MAP3K13: variants seen among roughly 807,000 people sequenced by gnomAD.
The protein encoded by MAP3K13 is mitogen-activated protein kinase kinase kinase 13, also known as leucine zipper-bearing kinase.
A neutral mutation model predicts 104.0 loss-of-function variants in MAP3K13; 52 were observed. The ratio of observed to expected loss-of-function variants is 0.50; its 90% CI spans 0.40 to 0.63. MAP3K13 has a LOEUF of 0.63. Ranked by LOEUF, MAP3K13 falls within the 20% of genes least tolerant of loss-of-function variation. MAP3K13 has a pLI of 0.00. For synonymous variants in MAP3K13, 394 were observed against 442.2 expected (o/e 0.89, Z 1.37); for missense variants, 914 against 1,218.5 (o/e 0.75, Z 3.72).
At chr3:185,357,103 T>A (rs1367455000) in intron 2 of MAP3K13, among the ~76,000 whole-genome samples, 1 of 151,918 alleles carries the variant, frequency 6.6e-6, no homozygotes. Context: ...AAGAAGTTTT[T>A]TTTTTTTCTC....
rs76703928 is a variant in MAP3K13, at chr3:185,324,919, A to T, written c.-86+39276A>T. ...TTACAAGGTATTTTGTTCTCCTGAC[A>T]TATTTGAGGAACTACAAAAATATAA... On this transcript the variant is annotated intron_variant, in intron 2 of 14. Transcript: ENST00000424227. Among the ~76,000 whole-genome samples the T allele has an allele frequency of 4.5e-3, 680 of 152,310 alleles. 3 individuals are homozygous for T. The highest frequency in any genetic ancestry group is 0.015 in the African/African-American group (643 of 41,560).
rs1249140502 is a variant in MAP3K13, at chr3:185,485,906, G to C, written c.*3450G>C. The stretch of plus-strand genomic sequence containing the variant: ...AAGACTAAAGAACTTTAAGAAGGAG[G>C]CCTGGTCACTTAGAGGACCAACGAC... On this transcript the variant is annotated 3_prime_UTR_variant, in exon 14 of 14. Transcript: ENST00000265026. 6.6e-6 allele frequency: 1 copy of C among 152,050 alleles called. No homozygotes were observed. The highest frequency in any genetic ancestry group is 1.5e-5 in the Non-Finnish European group (1 of 68,012). 9.4% of individuals were successfully genotyped at this position (152,050 alleles called of 1,614,324 possible).
chr3:185,480,581 G>A (rs1224294570), intron 13 of MAP3K13, 52 bp downstream of exon 13: 4 of 1,571,712 alleles, frequency 2.5e-6, no homozygotes, highest in Non-Finnish European at 2.6e-6. Flanking sequence ...TTGCTCTTTG[G>A]GGTTCAAGTC....
chr3:185,463,554 A>C lies in MAP3K13; in HGVS notation c.1283A>C (p.Glu428Ala). The C allele has an allele frequency of 6.3e-7, 1 of 1,582,022 alleles. No homozygotes were observed. The highest frequency in any genetic ancestry group is 8.7e-7 in the Non-Finnish European group (1 of 1,151,448). ...PQETYFKSQAEWREEVKKHFE... is the reference protein window; with the variant it reads ...PQETYFKSQAAWREEVKKHFE... ...ATCTAATTTGTCCTTACCCAGGCTGAATGGAGAGAAGAAGTGAAAAAACAT... is the reference window on the plus strand; with the variant it reads ...ATCTAATTTGTCCTTACCCAGGCTGCATGGAGAGAAGAAGTGAAAAAACAT... Residue 428 changes from glutamate (E) to alanine (A), a missense_variant, in exon 8 of 14, where the codon GAA (glutamate) becomes GCA (alanine). Transcript: ENST00000265026.
Position 185,455,938 on chromosome 3 carries a change from GATATATATATGAT to G in MAP3K13, c.1278+4544_1278+4556del, listed in dbSNP as rs1716709156. 2.8e-5 allele frequency among the ~76,000 whole-genome samples: 4 copies of G among 140,680 alleles called. No individual in the cohort carries two copies. The South Asian group carries it at 8.8e-4, about 31-fold the overall frequency. 92.3% of individuals were successfully genotyped at this position (140,680 alleles called of 152,430 possible). A position where few individuals can be genotyped will look rare whatever the true frequency, so the allele number is the denominator to read the frequency against. On this transcript the variant is annotated intron_variant, in intron 7 of 13. Transcript: ENST00000265026. ...TGAGATATATATGATGTATATATGA[GATATATATATGAT>G]GTATATATATGATATGTATGAGATA... is the stretch of plus-strand genomic sequence containing the variant.
intron 1 of MAP3K13, among the ~76,000 whole-genome samples, chr3:185,383,789 G>T (rs1474478714): frequency 6.6e-6 from 1 of 152,134 alleles, no homozygotes; most frequent in East Asian, 1.9e-4. Context: ...AACACAAAGA[G>T]ACTAAGACAT....
At position 185,418,231 on chromosome 3, in the gene MAP3K13, AC is replaced by A. The variant is rs1417872608; in HGVS notation, c.-85-10264del. 3.9e-5 allele frequency: 63 copies of A among 1,609,474 alleles called. No homozygotes were observed. Among genetic ancestry groups the A allele is most frequent in the Non-Finnish European group, 5.1e-5 (60 of 1,177,248 alleles). On this transcript the variant is annotated intron_variant, in intron 1 of 13. Coordinates refer to ENST00000265026, the MANE Select transcript of MAP3K13 (RefSeq NM_004721.5). This position sits in a 1 kb window ranked among gnomAD's most constrained non-coding sequence, Gnocchi z 4.5. ...AGCTCTCATTCGCTGAGAGGCATAG[AC>A]CTTTTCGATATCATTCCAGGCTTTA...
At chr3:185,314,558 GTGAGCC>G (rs374596880) in intron 2 of MAP3K13, among the ~76,000 whole-genome samples, 162 of 151,684 alleles carry the variant, frequency 1.1e-3, no homozygotes, top group African/African-American at 3.6e-3. Context: ...GGAGGTTGCA[GTGAGCC>G]GAGATCACAC....
chr3:185,313,054 G>A (rs1721547572), intron 2 of MAP3K13, among the ~76,000 whole-genome samples: 1 of 151,930 alleles, frequency 6.6e-6, no homozygotes, highest in Non-Finnish European at 1.5e-5. Flanking sequence ...GCCAGGCGTG[G>A]TGGTGTGTGC....
chr3:185,316,927 A>G (rs929559615), intron 2 of MAP3K13, among the ~76,000 whole-genome samples: 3 of 152,236 alleles, frequency 2.0e-5, no homozygotes, highest in Non-Finnish European at 4.4e-5. Flanking sequence ...TTATGATGTC[A>G]TGTTAATAGT....
chr3:185,347,702 G>C (rs562092786), intron 2 of MAP3K13, among the ~76,000 whole-genome samples: 10 of 152,096 alleles, frequency 6.6e-5, no homozygotes, highest in Non-Finnish European at 1.5e-4. Flanking sequence ...ACTTGTAATG[G>C]AGGCGATTTC....
At chr3:185,440,909 A>T (rs891984309) in intron 3 of MAP3K13, among the ~76,000 whole-genome samples, 11 of 152,198 alleles carry the variant, frequency 7.2e-5, no homozygotes, top group Non-Finnish European at 1.3e-4. Context: ...ACATATAGTA[A>T]TTTTTCTTCT....
Position 185,484,809 on chromosome 3 carries a change from T to C in MAP3K13, c.*2353T>C, listed in dbSNP as rs907930014. The C allele has an allele frequency of 4.6e-5, 7 of 152,208 alleles. No homozygotes were observed. The highest frequency in any genetic ancestry group is 1.7e-4 in the African/African-American group (7 of 41,450). 9.4% of individuals were successfully genotyped at this position (152,208 alleles called of 1,614,324 possible). On this transcript the variant is annotated 3_prime_UTR_variant, in exon 14 of 14. Coordinates refer to ENST00000265026, the MANE Select transcript of MAP3K13 (RefSeq NM_004721.5). ...TTATTTTATAATATTATCATTCTCA[T>C]TTTCTGTCGATCAGAAGGTGTGATT...
intron 10 of MAP3K13, among the ~76,000 whole-genome samples, chr3:185,470,704 C>T (rs940863141): frequency 1.3e-5 from 2 of 152,128 alleles, no homozygotes; most frequent in African/African-American, 4.8e-5. Context: ...TAGGTTGTTT[C>T]CAGCTTTTTG....
Position 185,473,078 on chromosome 3 carries a change from C to A in MAP3K13, c.1747C>A (p.Arg583=). Residue 583 remains arginine, a synonymous_variant, in exon 11 of 14, where the codon CGA becomes AGA. Transcript: ENST00000265026. The surrounding 1 kb of genome is among the most constrained non-coding windows in gnomAD (Gnocchi z 4.9). ...AATGTCCACTTCTAGCAGCAAGAGCCGATATCGAAGCAAACCACGCCACCG... is the reference window on the plus strand; with the variant it reads ...AATGTCCACTTCTAGCAGCAAGAGCAGATATCGAAGCAAACCACGCCACCG... ...PKMSTSSSKS[R]YRSKPRHRRG... 6.2e-7 allele frequency: 1 copy of A among 1,614,130 alleles called. No individual in the cohort carries two copies. The highest frequency in any genetic ancestry group is 1.1e-5 in the South Asian group (1 of 91,084).
intron 2 of MAP3K13, among the ~76,000 whole-genome samples, chr3:185,312,090 A>C (rs917769839): frequency 6.6e-6 from 1 of 152,232 alleles, no homozygotes; most frequent in East Asian, 1.9e-4. Flanking sequence ...GAAACTGGGG[A>C]AACAGTGGGA....
At chr3:185,343,494 C>A (rs765485526) in intron 2 of MAP3K13, among the ~76,000 whole-genome samples, 2 of 152,160 alleles carry the variant, frequency 1.3e-5, no homozygotes, top group African/African-American at 2.4e-5. Context: ...CGCTCTGTCG[C>A]CAGGCTGGAG....
At chr3:185,393,207 A>G (rs1418519177) in intron 1 of MAP3K13, among the ~76,000 whole-genome samples, 2 of 152,100 alleles carry the variant, frequency 1.3e-5, no homozygotes, top group East Asian at 3.8e-4. Flanking sequence ...TCATACACAC[A>G]TAAAATGAGT....
intron 2 of MAP3K13, among the ~76,000 whole-genome samples, chr3:185,343,170 A>G (rs934894188): frequency 1.3e-5 from 2 of 152,090 alleles, no homozygotes; most frequent in Non-Finnish European, 2.9e-5. Context: ...GCACGTAATC[A>G]TGTTCATCCC....
Sources: gnomAD v4.1 joint callset for allele counts (sites outside exome capture counted in the v4.1 genomes callset) on GRCh38, gnomAD v4.1.1 for gene constraint, Gnocchi (gnomAD v3.1) non-coding constraint, MANE v1.5 for transcripts, NCBI Gene and HGNC (gene_info 2026-07-23, HGNC 2026-07-21) for gene names.